The following IL1RAPL2 variants were observed in gnomAD, a reference collection of about 807,000 sequenced individuals.
The protein encoded by IL1RAPL2 is X-linked interleukin-1 receptor accessory protein-like 2.
A neutral mutation model predicts 44.1 loss-of-function variants in IL1RAPL2; 3 were observed. The observed-to-expected ratio is 0.07, with a 90% CI of 0.03 to 0.18. The LOEUF (loss-of-function observed/expected upper bound fraction) is 0.18. Ranked by LOEUF, IL1RAPL2 falls within the 10% of genes least tolerant of loss-of-function variation. The probability of loss-of-function intolerance (pLI) is 1.00; values close to 1 mark genes in which losing one functional copy is unlikely to be tolerated. For synonymous variants in IL1RAPL2, 181 were observed against 178.8 expected (o/e 1.01, Z -0.10); for missense variants, 391 against 496.4 (o/e 0.79, Z 2.02).
intron 1 of IL1RAPL2, among the ~76,000 whole-genome samples, chrX:104,609,441 G>A (rs1225340369): frequency 2.7e-5 from 3 of 112,040 alleles, no homozygotes; most frequent in Non-Finnish European, 5.6e-5. Flanking sequence ...ATCTTGAAGA[G>A]TGTTTTCTAA....
chrX:105,610,422 A>G (rs2037327377), intron 6 of IL1RAPL2, among the ~76,000 whole-genome samples: 1 of 111,805 alleles, frequency 8.9e-6, no homozygotes, highest in South Asian at 3.8e-4. Context: ...CAACCAAATT[A>G]AGGTTGAAAC....
chrX:104,941,388 C>T (rs984790775), intron 2 of IL1RAPL2, among the ~76,000 whole-genome samples: 3 of 111,181 alleles, frequency 2.7e-5, no homozygotes, highest in East Asian at 2.8e-4. Context: ...TTTTAATGAT[C>T]GCCATTCTAA....
At chrX:104,670,425 C>A (rs1015955319) in intron 2 of IL1RAPL2, among the ~76,000 whole-genome samples, 1 of 111,368 alleles carries the variant, frequency 9.0e-6, no homozygotes, top group Non-Finnish European at 1.9e-5. Context: ...CCCACCCATA[C>A]TGAGGGTGGA....
intron 6 of IL1RAPL2, among the ~76,000 whole-genome samples, chrX:105,680,312 T>C (rs1167001685): frequency 8.9e-6 from 1 of 112,303 alleles, no homozygotes; most frequent in Non-Finnish European, 1.9e-5. Flanking sequence ...ATTTCTTTCT[T>C]TTTAAGGTTC....
intron 3 of IL1RAPL2, among the ~76,000 whole-genome samples, chrX:105,211,646 G>C (rs2033808914): frequency 9.0e-6 from 1 of 111,146 alleles, no homozygotes; most frequent in Non-Finnish European, 1.9e-5. Flanking sequence ...TGCTCTCCTG[G>C]TACCAATTTC....
intron 2 of IL1RAPL2, among the ~76,000 whole-genome samples, chrX:104,942,492 C>T (rs890261367): frequency 2.7e-5 from 3 of 111,052 alleles, no homozygotes; most frequent in Non-Finnish European, 5.7e-5. Context: ...CATGATTTGG[C>T]TCTCTGTCTG....
chrX:105,153,022 G>T (rs760028512), intron 2 of IL1RAPL2, among the ~76,000 whole-genome samples: 21 of 112,190 alleles, frequency 1.9e-4, no homozygotes, highest in African/African-American at 5.8e-4. Flanking sequence ...TGATTGTTTT[G>T]TTTATTTAGC....
At chrX:104,861,132 C>T (rs1922482711) in intron 2 of IL1RAPL2, among the ~76,000 whole-genome samples, 1 of 111,985 alleles carries the variant, frequency 8.9e-6, no homozygotes, top group South Asian at 3.7e-4. Context: ...CAGATCAGAT[C>T]AGTGGTCTGT....
rs17343011 is a variant in IL1RAPL2, at chrX:105,764,900, T to A, written c.1364-2064T>A. 7.0e-3 allele frequency among the ~76,000 whole-genome samples: 783 copies of A among 111,926 alleles called. 8 individuals carry two copies. Among genetic ancestry groups the A allele is most frequent in the South Asian group, 0.06 (162 of 2,691 alleles). On this transcript the variant is annotated intron_variant, in intron 10 of 10. Transcript: ENST00000372582. ...TAGAGGTACACTTTATGTGACAGAG[T>A]GTTACTGACAAGGTTTGTACAAGGT...
intron 6 of IL1RAPL2, among the ~76,000 whole-genome samples, chrX:105,605,787 C>A (rs1483975964): frequency 9.6e-6 from 1 of 103,675 alleles, no homozygotes; most frequent in East Asian, 3.1e-4. Context: ...AACTTAGAAG[C>A]AAATCCATGT....
At position 105,267,417 on chromosome X, in the gene IL1RAPL2, A is replaced by G; in HGVS notation, c.573A>G (p.Ile191Met). The change falls in exon 5 of 11, where the codon ATA (isoleucine) becomes ATG (methionine). Residue 191 changes from isoleucine (I) to methionine (M), a missense_variant. By Grantham distance (10) the Ile-to-Met change is conservative. Transcript: ENST00000372582. ...GCAAGCCAAAAATGTGGAGAAGCAT[A>G]ATAATACAGAAAGGAAATGCTCTTC... The part of the protein sequence containing the change: ...KECKPKMWRS[I>M]IIQKGNALLI... 8.3e-7 allele frequency: 1 copy of G among 1,203,054 alleles called. No individual in the cohort carries two copies. Among genetic ancestry groups the G allele is most frequent in the Non-Finnish European group, 1.1e-6 (1 of 891,959 alleles).
chrX:104,634,215 GT>G (rs1929732993), intron 1 of IL1RAPL2, among the ~76,000 whole-genome samples: 1 of 111,511 alleles, frequency 9.0e-6, no homozygotes, highest in African/African-American at 3.3e-5. Context: ...GAGACAGTTT[GT>G]TATAATTTCT....
chrX:104,582,067 A>G (rs1928357886), intron 1 of IL1RAPL2, among the ~76,000 whole-genome samples: 1 of 111,957 alleles, frequency 8.9e-6, no homozygotes, highest in Non-Finnish European at 1.9e-5. Flanking sequence ...ATTTTTATTT[A>G]ATGCAAAGTA....
chrX:105,347,343 T>C (rs2035118162), intron 5 of IL1RAPL2, among the ~76,000 whole-genome samples: 1 of 111,460 alleles, frequency 9.0e-6, no homozygotes, highest in Non-Finnish European at 1.9e-5. Flanking sequence ...ACAATGTAAT[T>C]AACTTTCTGA....
At chrX:105,670,268 G>T (rs2037811956) in intron 6 of IL1RAPL2, among the ~76,000 whole-genome samples, 1 of 94,276 alleles carries the variant, frequency 1.1e-5, no homozygotes, top group Non-Finnish European at 2.1e-5. Context: ...TAAGTTCTTT[G>T]ACTTTTCACA....
intron 6 of IL1RAPL2, among the ~76,000 whole-genome samples, chrX:105,632,568 CT>C (rs1289931157): frequency 8.9e-6 from 1 of 111,738 alleles, no homozygotes; most frequent in East Asian, 2.8e-4. Context: ...AATCACTCTT[CT>C]CTTTTGCCCC....
At position 105,740,682 on chromosome X, in the gene IL1RAPL2, C is replaced by A; in HGVS notation, c.1039C>A (p.Arg347Ser). ...ACGGAAACATGCCAGTGTTTTGCTGCGTAAAAAGGGTATTTATTTTTATAA... is the reference window on the plus strand; with the variant it reads ...ACGGAAACATGCCAGTGTTTTGCTGAGTAAAAAGGGTATTTATTTTTATAA... ...NGRKHASVLLRKKDLIYKIEL... is the reference protein window; with the variant it reads ...NGRKHASVLLSKKDLIYKIEL... Residue 347 changes from arginine to serine, a missense_variant, in exon 8 of 11, where the codon CGT becomes AGT. This residue lies in a region of IL1RAPL2 where 232 missense variants were observed against 244.8 expected (regional missense o/e 0.95). Coordinates refer to ENST00000372582, the MANE Select transcript of IL1RAPL2 (RefSeq NM_017416.2). 1 of 1,202,952 alleles carries A rather than the reference C, an allele frequency of 8.3e-7. No homozygotes were observed. Among genetic ancestry groups the A allele is most frequent in the South Asian group, 1.8e-5 (1 of 55,582 alleles).
At chrX:105,516,418 C>T (rs769913108) in intron 6 of IL1RAPL2, among the ~76,000 whole-genome samples, 22 of 111,878 alleles carry the variant, frequency 2.0e-4, no homozygotes, top group African/African-American at 6.8e-4. Flanking sequence ...TACAAGATGG[C>T]ATGACATCTG....
intron 2 of IL1RAPL2, among the ~76,000 whole-genome samples, chrX:104,741,327 A>C (rs1932099128): frequency 9.0e-6 from 1 of 111,404 alleles, no homozygotes; most frequent in African/African-American, 3.2e-5. Context: ...CAGAAATTGA[A>C]ATAAATAATC....
Sources: allele counts gnomAD v4.1 joint callset (sites outside exome capture counted in the v4.1 genomes callset), GRCh38; gene constraint gnomAD v4.1.1; regional missense constraint gnomAD v4.1.1; transcripts MANE v1.5; gene names NCBI Gene and HGNC (gene_info 2026-07-23, HGNC 2026-07-21).